The following SYK variants were observed in gnomAD, a reference collection of about 807,000 sequenced individuals.
SYK encodes spleen associated tyrosine kinase.
In SYK, 16 loss-of-function variants were observed where a neutral mutation model predicts 77.8. The observed-to-expected ratio is 0.21, with a 90% CI of 0.14 to 0.31. The LOEUF is 0.31. SYK is among the 10% of genes least tolerant of loss of function. SYK has a pLI of 1.00. For missense variants in SYK, 529 were observed against 814.4 expected (o/e 0.65, Z 4.26); for synonymous variants, 312 against 308.7 (o/e 1.01, Z -0.11).
At chr9:90,824,055 G>T (rs1452398081) in intron 1 of SYK, among the ~76,000 whole-genome samples, 1 of 151,808 alleles carries the variant, frequency 6.6e-6, no homozygotes, top group Non-Finnish European at 1.5e-5. Context: ...TATCAGAAAT[G>T]AAGGAAAGGT....
chr9:90,894,432 C>G (rs1036792101), intron 13 of SYK, among the ~76,000 whole-genome samples: 5 of 152,184 alleles, frequency 3.3e-5, no homozygotes, highest in Non-Finnish European at 7.3e-5. Flanking sequence ...CTATTGAAAG[C>G]TATAAGAGAA....
intron 9 of SYK, among the ~76,000 whole-genome samples, chr9:90,877,110 G>A (rs185220717): frequency 1.3e-5 from 2 of 152,254 alleles, no homozygotes; most frequent in East Asian, 1.9e-4. Flanking sequence ...CTGGAGTGAA[G>A]TGGCAAGAAG....
intron 1 of SYK, among the ~76,000 whole-genome samples, chr9:90,838,964 C>T (rs1826189036): frequency 6.6e-6 from 1 of 152,152 alleles, no homozygotes; most frequent in Admixed American, 6.5e-5. Context: ...GCAGAGATGC[C>T]ACAGCCGTGG....
chr9:90,842,766 T>A (rs1826423697), intron 1 of SYK, among the ~76,000 whole-genome samples: 1 of 101,568 alleles, frequency 9.8e-6, no homozygotes, highest in East Asian at 3.5e-4. Context: ...AGAGTGTGTG[T>A]GTGTGTGTGT....
intron 5 of SYK, 85 bp from the exon 6 acceptor site, chr9:90,864,963 A>G (rs892645232): frequency 7.5e-7 from 1 of 1,327,140 alleles, no homozygotes; most frequent in Admixed American, 1.7e-5. Context: ...GCACATCCTG[A>G]TCTCATTGAT....
intron 3 of SYK, among the ~76,000 whole-genome samples, chr9:90,852,373 G>A (rs1212279247): frequency 6.6e-6 from 1 of 152,186 alleles, no homozygotes; most frequent in Non-Finnish European, 1.5e-5. Flanking sequence ...TTCACACAAT[G>A]TGGTTTATTG....
At chr9:90,842,367 A>G (rs1826397905) in intron 1 of SYK, among the ~76,000 whole-genome samples, 1 of 146,822 alleles carries the variant, frequency 6.8e-6, no homozygotes, top group Non-Finnish European at 1.5e-5. Flanking sequence ...GGTGTACCGT[A>G]TGTGATGTGT....
At chr9:90,826,375 T>A (rs1825666734) in intron 1 of SYK, among the ~76,000 whole-genome samples, 1 of 152,266 alleles carries the variant, frequency 6.6e-6, no homozygotes, top group Admixed American at 6.5e-5. Flanking sequence ...CTGTTTTGCA[T>A]TATCCTCATC....
chr9:90,848,397 G>A (rs569446608), intron 3 of SYK, among the ~76,000 whole-genome samples: 51 of 152,334 alleles, frequency 3.3e-4, no homozygotes, highest in African/African-American at 1.2e-3. Flanking sequence ...CCCCTGTTGG[G>A]TCAGGCCAAC....
At chr9:90,886,259 A>C (rs7872196) in intron 11 of SYK, among the ~76,000 whole-genome samples, 39,844 of 152,182 alleles carry the variant, frequency 0.26, 5,668 homozygotes, top group Middle Eastern at 0.38. Flanking sequence ...ACACAATGAG[A>C]TACCATCTTA....
intron 3 of SYK, among the ~76,000 whole-genome samples, chr9:90,849,019 G>A (rs1826711130): frequency 6.6e-6 from 1 of 152,222 alleles, no homozygotes; most frequent in Non-Finnish European, 1.5e-5. Flanking sequence ...GGCACCCACA[G>A]AGGCCAGTGT....
chr9:90,836,627 G>A (rs1826097043), intron 1 of SYK, among the ~76,000 whole-genome samples: 1 of 152,182 alleles, frequency 6.6e-6, no homozygotes, highest in Non-Finnish European at 1.5e-5. Context: ...ATCTCTGTGT[G>A]AGCAGTTCAT....
chr9:90,806,417 T>G lies in SYK; in HGVS notation c.-42+4524T>G, dbSNP rs565909017. Among the ~76,000 whole-genome samples, 12 of 152,154 alleles carry G rather than the reference T, an allele frequency of 7.9e-5. No individual in the cohort carries two copies. In the South Asian group the frequency reaches 2.3e-3, roughly 29 times the overall value. Reference sequence around the variant, plus strand: ...TTTTTTTTTTTCTTTTTCTTTTTTGTAGAGATGGGCTCTCACTATATTGCC... The same window carrying G: ...TTTTTTTTTTTCTTTTTCTTTTTTGGAGAGATGGGCTCTCACTATATTGCC... On this transcript the variant is annotated intron_variant, in intron 1 of 13. Coordinates refer to ENST00000375754, the MANE Select transcript of SYK (RefSeq NM_003177.7).
At chr9:90,832,077 G>A (rs571117007) in intron 1 of SYK, among the ~76,000 whole-genome samples, 1 of 152,262 alleles carries the variant, frequency 6.6e-6, no homozygotes, top group South Asian at 2.1e-4. Context: ...CATAAAACAA[G>A]GTTCTGTATT....
Position 90,895,567 on chromosome 9 carries a change from G to A in SYK, c.1875G>A (p.Arg625=), listed in dbSNP as rs868378745. 1 of 1,614,162 alleles carries A rather than the reference G, an allele frequency of 6.2e-7. No homozygotes were observed. Among genetic ancestry groups the A allele is most frequent in the East Asian group, 2.2e-5 (1 of 44,884 alleles). ...NRPGFAAVEL[R]LRNYYYDVVN ...CCGGATTCGCAGCAGTGGAACTGCGGCTGCGCAATTACTACTATGACGTGG... is the reference window on the plus strand; with the variant it reads ...CCGGATTCGCAGCAGTGGAACTGCGACTGCGCAATTACTACTATGACGTGG... The change falls in exon 14 of 14, where the codon CGG becomes CGA. Residue 625 remains arginine, a synonymous_variant. Coordinates refer to ENST00000375754, the MANE Select transcript of SYK (RefSeq NM_003177.7). The surrounding 1 kb of genome is among the most constrained non-coding windows in gnomAD (Gnocchi z 4.4).
At chr9:90,885,890 C>T (rs1828553656) in intron 11 of SYK, among the ~76,000 whole-genome samples, 1 of 152,108 alleles carries the variant, frequency 6.6e-6, no homozygotes, top group South Asian at 2.1e-4. Context: ...TTTCAAAGTG[C>T]TGAAAGAAAA....
chr9:90,862,135 G>T, intron 3 of SYK, 71 bp from the exon 4 acceptor site: 6 of 1,512,110 alleles, frequency 4.0e-6, no homozygotes, highest in Non-Finnish European at 5.3e-6. Flanking sequence ...TCAGGCCAGG[G>T]TGCTTCCTCC....
At chr9:90,887,935 A>G in intron 12 of SYK, 46 bp downstream of exon 12, 1 of 1,515,240 alleles carries the variant, frequency 6.6e-7, no homozygotes, top group Non-Finnish European at 8.9e-7. Flanking sequence ...CCATTAGAAC[A>G]GATAAGCACC....
At chr9:90,840,601 A>G (rs1239662012) in intron 1 of SYK, among the ~76,000 whole-genome samples, 1 of 151,966 alleles carries the variant, frequency 6.6e-6, no homozygotes, top group Non-Finnish European at 1.5e-5. Context: ...AAGCAGTCCA[A>G]AGAGAAGTAT....
Sources: gnomAD v4.1 joint callset for allele counts (sites outside exome capture counted in the v4.1 genomes callset) on GRCh38, gnomAD v4.1.1 for gene constraint, Gnocchi (gnomAD v3.1) non-coding constraint, MANE v1.5 for transcripts, NCBI Gene and HGNC (gene_info 2026-07-23, HGNC 2026-07-21) for gene names.